CSMD1: variants seen among roughly 807,000 people sequenced by gnomAD.
The protein encoded by CSMD1 is CUB and sushi domain-containing protein 1.
In CSMD1, 213 loss-of-function variants were observed where a neutral mutation model predicts 417.5. The observed-to-expected ratio is 0.51, with a 90% CI of 0.46 to 0.57. The LOEUF (loss-of-function observed/expected upper bound fraction) is 0.57. CSMD1 is among the 20% of genes least tolerant of loss of function. The probability of loss-of-function intolerance (pLI) is 0.00; values close to 1 mark genes in which losing one functional copy is unlikely to be tolerated. For synonymous variants in CSMD1, 2,862 were observed against 1,736.8 expected (o/e 1.65, Z -16.11); for missense variants, 6,923 against 4,529.7 (o/e 1.53, Z -15.17).
chr8:4,001,875 A>C (rs551405218), intron 4 of CSMD1, among the ~76,000 whole-genome samples: 17 of 151,878 alleles, frequency 1.1e-4, no homozygotes, highest in African/African-American at 4.1e-4. Context: ...TGAAGAAAAA[A>C]ACAATTAAGG....
chr8:4,348,227 G>A (rs1314915248), intron 3 of CSMD1, among the ~76,000 whole-genome samples: 1 of 152,050 alleles, frequency 6.6e-6, no homozygotes, highest in East Asian at 1.9e-4. Flanking sequence ...AATTCACAAT[G>A]CATACTAAGT....
intron 1 of CSMD1, among the ~76,000 whole-genome samples, chr8:4,828,015 A>G (rs951481088): frequency 2.0e-5 from 3 of 152,182 alleles, no homozygotes; most frequent in Non-Finnish European, 4.4e-5. Flanking sequence ...AATGCATGTT[A>G]TATATTTAAG....
At chr8:3,158,002 T>A in intron 38 of CSMD1, 36 bp from the exon 39 acceptor site, 2 of 1,458,938 alleles carry the variant, frequency 1.4e-6, no homozygotes, top group Non-Finnish European at 1.9e-6. Flanking sequence ...TACATATAAC[T>A]AAAAACAGAG....
intron 5 of CSMD1, among the ~76,000 whole-genome samples, chr8:3,984,177 G>C (rs1039083539): frequency 3.0e-4 from 45 of 152,198 alleles, no homozygotes; most frequent in Non-Finnish European, 5.7e-4. Context: ...GAAAATTCAG[G>C]TCAGGAACCT....
At chr8:3,845,702 T>C (rs1490820930) in intron 5 of CSMD1, among the ~76,000 whole-genome samples, 1 of 152,204 alleles carries the variant, frequency 6.6e-6, no homozygotes, top group Non-Finnish European at 1.5e-5. Flanking sequence ...ACATTTTGTA[T>C]TTTATAAAGT....
At chr8:3,328,174 T>G (rs958282314) in intron 23 of CSMD1, among the ~76,000 whole-genome samples, 1 of 152,256 alleles carries the variant, frequency 6.6e-6, no homozygotes, top group Non-Finnish European at 1.5e-5. Flanking sequence ...GGTTCTTGGA[T>G]GCATCTCTAA....
chr8:4,565,072 A>C (rs1798525468), intron 2 of CSMD1, among the ~76,000 whole-genome samples: 1 of 152,204 alleles, frequency 6.6e-6, no homozygotes, highest in Non-Finnish European at 1.5e-5. Context: ...AACACTGAAG[A>C]AAAACTTTCC....
chr8:3,700,914 T>A (rs1800824763), intron 7 of CSMD1, among the ~76,000 whole-genome samples: 2 of 152,002 alleles, frequency 1.3e-5, no homozygotes, highest in African/African-American at 4.8e-5. Context: ...TTCACCCAGA[T>A]CCTTCTGATT....
rs114469523 is a variant in CSMD1, at chr8:3,545,825, T to A, written c.1344+29120A>T. Among the ~76,000 whole-genome samples, 937 of 152,338 alleles carry A rather than the reference T, an allele frequency of 6.2e-3. 2 individuals carry two copies. The highest frequency in any genetic ancestry group is 0.022 in the African/African-American group (895 of 41,586). ...TGAAAAGGCTCAGGAAGCAAGTTAT[T>A]TAGTAGCAGAGTCTATTGGCCACAA... On this transcript the variant is annotated intron_variant, in intron 10 of 69. Transcript: ENST00000635120.
At chr8:4,345,206 C>T (rs1393600253) in intron 3 of CSMD1, among the ~76,000 whole-genome samples, 2 of 152,080 alleles carry the variant, frequency 1.3e-5, no homozygotes, top group South Asian at 2.1e-4. Context: ...ATGACCAACG[C>T]TAACATATAT....
At chr8:3,463,668 G>C (rs955959766) in intron 12 of CSMD1, among the ~76,000 whole-genome samples, 1 of 152,174 alleles carries the variant, frequency 6.6e-6, no homozygotes. Flanking sequence ...GCACTTGGAC[G>C]CTGTTCAATG....
intron 31 of CSMD1, 34 bp downstream of exon 31, chr8:3,205,470 T>G (rs533586048): frequency 9.5e-7 from 1 of 1,048,008 alleles, no homozygotes; most frequent in South Asian, 1.4e-5. Context: ...AAAGGAAATA[T>G]GACAATGAAT....
chr8:3,312,101 A>G (rs117214700), intron 23 of CSMD1, among the ~76,000 whole-genome samples: 1 of 152,132 alleles, frequency 6.6e-6, no homozygotes, highest in Non-Finnish European at 1.5e-5. Flanking sequence ...CTCTTCTCCA[A>G]AAAAAACAAG....
intron 3 of CSMD1, among the ~76,000 whole-genome samples, chr8:4,406,211 A>T (rs1805007232): frequency 6.6e-6 from 1 of 152,166 alleles, no homozygotes. Flanking sequence ...ATTCTACTGT[A>T]ATGTGCTCCA....
At chr8:4,146,311 G>T (rs1380174313) in intron 3 of CSMD1, among the ~76,000 whole-genome samples, 1 of 150,868 alleles carries the variant, frequency 6.6e-6, no homozygotes, top group Non-Finnish European at 1.5e-5. Context: ...CCTCTGCTTG[G>T]TGTCTGACAC....
chr8:4,536,001 G>A (rs774910570), intron 2 of CSMD1, among the ~76,000 whole-genome samples: 1 of 152,068 alleles, frequency 6.6e-6, no homozygotes, highest in African/African-American at 2.4e-5. Context: ...AAAAGTTTCA[G>A]AATATCAATG....
intron 10 of CSMD1, among the ~76,000 whole-genome samples, chr8:3,549,320 A>C (rs1041981534): frequency 3.9e-5 from 6 of 152,206 alleles, no homozygotes; most frequent in African/African-American, 1.4e-4. Flanking sequence ...CTTGCCCTTT[A>C]CAGGCAAGCT....
At chr8:3,570,855 T>A (rs1347670310) in intron 10 of CSMD1, among the ~76,000 whole-genome samples, 1 of 152,196 alleles carries the variant, frequency 6.6e-6, no homozygotes, top group Non-Finnish European at 1.5e-5. Flanking sequence ...TTCCTCTCTG[T>A]CAAGTAGTAA....
intron 3 of CSMD1, among the ~76,000 whole-genome samples, chr8:4,125,447 C>A (rs1044472353): frequency 6.6e-6 from 1 of 152,194 alleles, no homozygotes; most frequent in Non-Finnish European, 1.5e-5. Context: ...CTTGATGTCC[C>A]ATGTCTCCCT....
Sources: gnomAD v4.1 joint callset for allele counts (sites outside exome capture counted in the v4.1 genomes callset) on GRCh38, gnomAD v4.1.1 for gene constraint, MANE v1.5 for transcripts, NCBI Gene and HGNC (gene_info 2026-07-23, HGNC 2026-07-21) for gene names.